DCAF7: variants seen among roughly 807,000 people sequenced by gnomAD.
DCAF7 encodes DDB1- and CUL4-associated factor 7.
DCAF7 carries 4 observed loss-of-function variants against 41.2 expected under a neutral mutation model. The observed-to-expected ratio is 0.10, with a 90% CI of 0.05 to 0.22. DCAF7 has a LOEUF of 0.22. Ranked by LOEUF, DCAF7 falls within the 10% of genes least tolerant of loss-of-function variation. The probability of loss-of-function intolerance (pLI) is 1.00; values close to 1 mark genes in which losing one functional copy is unlikely to be tolerated. For missense variants in DCAF7, 131 were observed against 443.2 expected (o/e 0.30, Z 6.32); for synonymous variants, 143 against 164.2 (o/e 0.87, Z 0.99).
chr17:63,559,380 T>TAG (rs2033350382), intron 1 of DCAF7, among the ~76,000 whole-genome samples: 1 of 53,434 alleles, frequency 1.9e-5, no homozygotes, highest in African/African-American at 7.1e-5. Flanking sequence ...TATATGTGTA[T>TAG]ATATATGTAT....
At chr17:63,565,997 A>G (rs149530417) in intron 1 of DCAF7, among the ~76,000 whole-genome samples, 1 of 151,902 alleles carries the variant, frequency 6.6e-6, no homozygotes, top group African/African-American at 2.4e-5. Context: ...GCTACTCAGG[A>G]AACTGAGGCA....
In DCAF7 at chr17:63,559,351, A is replaced by G. The variant is rs560727544; in HGVS notation, c.138+8536A>G. Among the ~76,000 whole-genome samples the G allele has an allele frequency of 1.7e-3, 224 of 132,490 alleles. 4 individuals are homozygous for G. Among genetic ancestry groups the G allele is most frequent in the African/African-American group, 6.1e-3 (196 of 32,284 alleles). The allele number at this position is 132,490 out of a possible 152,430, so 86.9% of individuals were successfully genotyped here. On this transcript the variant is annotated intron_variant, in intron 1 of 6. Coordinates refer to ENST00000614556, the MANE Select transcript of DCAF7 (RefSeq NM_005828.5). ...TATATATACATACATATATATACGT[A>G]TATATATGTATGTATATATATATGT...
rs576630444 is a variant in DCAF7 at position 63,561,588 on chromosome 17, C to G, written c.138+10773C>G. ...TAAAAAATAGCCAGATGTGGTGGCACCATGCCTGTGGTTTCAGCTACTTGG... is the reference window on the plus strand; with the variant it reads ...TAAAAAATAGCCAGATGTGGTGGCAGCATGCCTGTGGTTTCAGCTACTTGG... On this transcript the variant is annotated intron_variant, in intron 1 of 6. Transcript: ENST00000614556. Among the ~76,000 whole-genome samples, 7 of 152,122 alleles carry G rather than the reference C, an allele frequency of 4.6e-5. No homozygotes were observed. The South Asian group carries it at 1.5e-3, about 32-fold the overall frequency.
intron 1 of DCAF7, among the ~76,000 whole-genome samples, chr17:63,572,903 C>G (rs1209240947): frequency 1.3e-5 from 2 of 152,172 alleles, no homozygotes; most frequent in East Asian, 3.8e-4. Flanking sequence ...GCTGGGACTA[C>G]AGGCATGCGC....
intron 1 of DCAF7, among the ~76,000 whole-genome samples, chr17:63,557,082 T>A (rs1388452919): frequency 6.6e-6 from 1 of 152,000 alleles, no homozygotes; most frequent in Non-Finnish European, 1.5e-5. Flanking sequence ...AGAAAGATGC[T>A]ATTAGAAAGG....
chr17:63,576,301 G>C (rs140022557), intron 1 of DCAF7, among the ~76,000 whole-genome samples: 3 of 152,186 alleles, frequency 2.0e-5, no homozygotes, highest in African/African-American at 4.8e-5. Context: ...AAAATTAGCC[G>C]GGCGTAGTGG....
chr17:63,576,114 A>G (rs924223150), intron 1 of DCAF7, among the ~76,000 whole-genome samples: 9 of 152,314 alleles, frequency 5.9e-5, no homozygotes, highest in Non-Finnish European at 1.0e-4. Flanking sequence ...TTCTCAACCA[A>G]TGATGCTGGA....
At chr17:63,558,389 A>G (rs746792968) in intron 1 of DCAF7, among the ~76,000 whole-genome samples, 2 of 152,218 alleles carry the variant, frequency 1.3e-5, no homozygotes, top group Non-Finnish European at 2.9e-5. Context: ...ATACTTAGGC[A>G]TATGTAAGGT....
intron 1 of DCAF7, among the ~76,000 whole-genome samples, chr17:63,552,733 G>A (rs1264055005): frequency 6.6e-6 from 1 of 152,216 alleles, no homozygotes; most frequent in African/African-American, 2.4e-5. Context: ...GAGAAACTGA[G>A]CCACAGTTAG....
At chr17:63,570,065 T>A (rs943144803) in intron 1 of DCAF7, among the ~76,000 whole-genome samples, 1 of 152,162 alleles carries the variant, frequency 6.6e-6, no homozygotes, top group African/African-American at 2.4e-5. Flanking sequence ...GCACCAGCTA[T>A]GTCAAGTGTG....
intron 4 of DCAF7, 138 bp from the exon 5 acceptor site, chr17:63,583,364 C>T: frequency 1.3e-6 from 1 of 769,240 alleles, no homozygotes; most frequent in Non-Finnish European, 2.3e-6. Context: ...TCAGTACTCA[C>T]AGACACTGTT....
chr17:63,587,387 G>A (rs1205317752), intron 6 of DCAF7, among the ~76,000 whole-genome samples: 1 of 151,686 alleles, frequency 6.6e-6, no homozygotes, highest in Non-Finnish European at 1.5e-5. Context: ...AAAGAAAGGT[G>A]TCATCCATTA....
intron 1 of DCAF7, among the ~76,000 whole-genome samples, chr17:63,553,912 C>T (rs1180230084): frequency 6.6e-6 from 1 of 152,052 alleles, no homozygotes; most frequent in Non-Finnish European, 1.5e-5. Flanking sequence ...AATAAAAAGC[C>T]CCATTATAGG....
At chr17:63,554,501 A>G (rs1254710100) in intron 1 of DCAF7, among the ~76,000 whole-genome samples, 1 of 152,258 alleles carries the variant, frequency 6.6e-6, no homozygotes, top group African/African-American at 2.4e-5. Flanking sequence ...GCATGCTCCT[A>G]AACATTGGTT....
intron 4 of DCAF7, among the ~76,000 whole-genome samples, chr17:63,582,535 C>T (rs939005147): frequency 2.0e-5 from 3 of 151,606 alleles, no homozygotes; most frequent in Admixed American, 1.3e-4. Flanking sequence ...ATGGCCTGAT[C>T]TCAGCTCACT....
intron 1 of DCAF7, among the ~76,000 whole-genome samples, chr17:63,569,006 T>C (rs1399554932): frequency 6.6e-6 from 1 of 152,208 alleles, no homozygotes; most frequent in Non-Finnish European, 1.5e-5. Flanking sequence ...CAAACACCTG[T>C]GTCAATCTAG....
rs553385528 is a variant in DCAF7, at chr17:63,564,253, A to C, written c.138+13438A>C. Reference sequence around the variant, plus strand: ...CCTCTTACAATCTAAAAGTACATTTAAAGAATGTAATAAACCCAATTGGAA... The same window carrying C: ...CCTCTTACAATCTAAAAGTACATTTCAAGAATGTAATAAACCCAATTGGAA... On this transcript the variant is annotated intron_variant, in intron 1 of 6. Transcript: ENST00000614556. Among the ~76,000 whole-genome samples, 4 of 152,318 alleles carry C rather than the reference A, an allele frequency of 2.6e-5. No individual in the cohort carries two copies. The East Asian group carries it at 7.7e-4, about 29-fold the overall frequency.
chr17:63,559,389 A>ATG (rs2033351074), intron 1 of DCAF7, among the ~76,000 whole-genome samples: 4 of 47,624 alleles, frequency 8.4e-5, no homozygotes, highest in Admixed American at 5.7e-4. Flanking sequence ...ATATATATGT[A>ATG]TATATATATG....
chr17:63,562,463 C>T (rs939644348), intron 1 of DCAF7, among the ~76,000 whole-genome samples: 6 of 152,240 alleles, frequency 3.9e-5, no homozygotes, highest in Non-Finnish European at 7.4e-5. Flanking sequence ...AAACATTTCT[C>T]TGTGAAAGAT....
Sources: allele counts gnomAD v4.1 joint callset (sites outside exome capture counted in the v4.1 genomes callset), GRCh38; gene constraint gnomAD v4.1.1; transcripts MANE v1.5; gene names NCBI Gene and HGNC (gene_info 2026-07-23, HGNC 2026-07-21).